Variants in COL4A2 observed in about 807,000 individuals in gnomAD.
COL4A2 encodes collagen type IV alpha 2 chain, also known as collagen alpha-2(IV) chain.
Under a neutral mutation model 200.2 loss-of-function variants are expected in COL4A2, and 99 were observed. The observed-to-expected ratio is 0.49, with a 90% CI of 0.42 to 0.58. The LOEUF is 0.58. Ranked by LOEUF, COL4A2 falls within the 20% of genes least tolerant of loss-of-function variation. COL4A2 has a pLI of 0.00. For missense variants in COL4A2, 1,950 were observed against 2,314.1 expected (o/e 0.84, Z 3.23); for synonymous variants, 897 against 900.6 (o/e 1.00, Z 0.07).
At chr13:110,400,394 A>T (rs1479625199) in intron 4 of COL4A2, among the ~76,000 whole-genome samples, 2 of 152,370 alleles carry the variant, frequency 1.3e-5, no homozygotes, top group Middle Eastern at 3.4e-3. Flanking sequence ...GAAAGAGTTG[A>T]TGGTTAGATT....
intron 4 of COL4A2, among the ~76,000 whole-genome samples, chr13:110,404,242 C>T (rs1879481419): frequency 1.3e-5 from 2 of 152,186 alleles, no homozygotes; most frequent in Admixed American, 6.5e-5. Context: ...TGCTCATTGC[C>T]TTTTTAAGGT....
chr13:110,509,268 T>TATATATATATAC (rs1555334046), intron 47 of COL4A2, among the ~76,000 whole-genome samples: 11 of 120,622 alleles, frequency 9.1e-5, no homozygotes, highest in Non-Finnish European at 1.6e-4. Flanking sequence ...TATATATATA[T>TATATATATATAC]ATACACACAC....
intron 4 of COL4A2, among the ~76,000 whole-genome samples, chr13:110,366,646 G>C (rs188380866): frequency 6.6e-6 from 1 of 152,126 alleles, no homozygotes; most frequent in Non-Finnish European, 1.5e-5. Flanking sequence ...CATGCAGTGG[G>C]TACCCCAGGA....
intron 4 of COL4A2, among the ~76,000 whole-genome samples, chr13:110,385,941 G>GGATAGGCCGTGGTCACAGCGTGTC (rs1566505619): frequency 8.9e-5 from 5 of 56,072 alleles, no homozygotes; most frequent in South Asian, 9.1e-4. Flanking sequence ...TACAGCGTGT[G>GGATAGGCCGTGGTCACAGCGTGTC]GATGGGCCGT....
Position 110,491,613 on chromosome 13 carries a change from G to C in COL4A2, c.3454+273G>C, listed in dbSNP as rs530027157. Among the ~76,000 whole-genome samples, 3 of 152,260 alleles carry C rather than the reference G, an allele frequency of 2.0e-5. No homozygotes were observed. In the East Asian group the frequency reaches 5.8e-4, roughly 29 times the overall value. On this transcript the variant is annotated intron_variant, in intron 37 of 47. Transcript: ENST00000360467. ...CTCTGTCTCTCATATAGAAGCCGAC[G>C]GTTTGTAAGGGATCCCTTTGCTTGC... is the stretch of plus-strand genomic sequence containing the variant.
intron 28 of COL4A2, among the ~76,000 whole-genome samples, chr13:110,471,218 G>A (rs183036248): frequency 2.9e-4 from 44 of 152,348 alleles, no homozygotes; most frequent in African/African-American, 8.9e-4. Flanking sequence ...CCATGTGTGC[G>A]TGAACGCCAC....
In COL4A2 at chr13:110,493,260, C is replaced by G; in HGVS notation, c.3612C>G (p.Thr1204=). 6.2e-7 allele frequency: 1 copy of G among 1,614,142 alleles called. No individual in the cohort carries two copies. The highest frequency in any genetic ancestry group is 8.5e-7 in the Non-Finnish European group (1 of 1,180,032). Residue 1204 remains threonine (T), a synonymous_variant, in exon 39 of 48, where the codon ACC becomes ACG. Coordinates refer to ENST00000360467, the MANE Select transcript of COL4A2 (RefSeq NM_001846.4). The part of the protein sequence containing the change: ...GIRGLHGLPG[T]KGFPGSPGSD... ...GCGGCTTACACGGCTTGCCAGGCAC[C>G]AAGGGCTTTCCAGGATCCCCAGGTA...
intron 47 of COL4A2, among the ~76,000 whole-genome samples, chr13:110,509,260 T>TATATATATAC (rs1883994085): frequency 8.2e-6 from 1 of 122,356 alleles, no homozygotes; most frequent in Non-Finnish European, 1.6e-5. Context: ...TATATATATA[T>TATATATATAC]ATATATATAT....
At chr13:110,422,621 C>A (rs183396617) in intron 4 of COL4A2, among the ~76,000 whole-genome samples, 1 of 152,326 alleles carries the variant, frequency 6.6e-6, no homozygotes, top group African/African-American at 2.4e-5. Context: ...TCGGTCCAGA[C>A]CAGGTTACCC....
At chr13:110,396,569 G>A (rs551345580) in intron 4 of COL4A2, among the ~76,000 whole-genome samples, 2 of 152,288 alleles carry the variant, frequency 1.3e-5, no homozygotes, top group South Asian at 4.1e-4. Context: ...TGGGGCTCTT[G>A]TCTTTTCTGG....
chr13:110,485,765 G>A lies in COL4A2; in HGVS notation c.3136G>A (p.Gly1046Ser), dbSNP rs1407372947. The A allele has an allele frequency of 3.1e-6, 5 of 1,613,934 alleles. No individual in the cohort carries two copies. Among genetic ancestry groups the A allele is most frequent in the Admixed American group, 1.7e-5 (1 of 60,020 alleles). ...AGACATCGGAGTCCCCGGCATCCCC[G>A]GTTTGCCAGGATTCCCTGGGGTGGC... ...KGDIGVPGIP[G>S]LPGFPGVAGP... Residue 1046 changes from glycine to serine, a missense_variant, in exon 34 of 48, where the codon GGT (glycine) becomes AGT (serine). By Grantham distance (56) the Gly-to-Ser change is moderately conservative (BLOSUM62 0). Around this residue, in one of 2 missense-constraint regions of COL4A2, gnomAD observed 1,385 missense variants for 1,720.5 expected, o/e 0.80. Transcript: ENST00000360467.
chr13:110,500,357 A>G (rs1302378460), intron 40 of COL4A2, among the ~76,000 whole-genome samples: 2 of 152,236 alleles, frequency 1.3e-5, no homozygotes, highest in Non-Finnish European at 2.9e-5. Context: ...CTTGGTCCCC[A>G]GCCCGAGGTA....
At chr13:110,311,707 G>A (rs554784034) in intron 3 of COL4A2, among the ~76,000 whole-genome samples, 11 of 152,292 alleles carry the variant, frequency 7.2e-5, no homozygotes, top group South Asian at 4.1e-4. Context: ...CACTGTAGCC[G>A]CTCTGAGCAT....
intron 6 of COL4A2, among the ~76,000 whole-genome samples, chr13:110,426,814 A>T (rs1880486963): frequency 6.6e-6 from 1 of 152,224 alleles, no homozygotes; most frequent in Non-Finnish European, 1.5e-5. Flanking sequence ...AGCATCACAG[A>T]ATACTAAAAA....
At chr13:110,493,080 TGGGTGAAATAACGATGAGTGACAC>T in intron 38 of COL4A2, 107 bp from the exon 39 acceptor site, 1 of 223,484 alleles carries the variant, frequency 4.5e-6, no homozygotes, top group Non-Finnish European at 6.6e-6. Flanking sequence ...GACACCCCCA[TGGGTGAAATAACGATGAGTGACAC>T]CCCCATGGGT....
intron 20 of COL4A2, among the ~76,000 whole-genome samples, chr13:110,453,269 AG>A (rs949692334): frequency 2.6e-5 from 4 of 152,102 alleles, no homozygotes; most frequent in South Asian, 4.2e-4. Context: ...GGGAAAGCCG[AG>A]GGGGGCCGAT....
chr13:110,468,328 C>A, intron 27 of COL4A2: 1 of 463,120 alleles, frequency 2.2e-6, no homozygotes, highest in African/African-American at 2.1e-5. Flanking sequence ...GGTCTAATTC[C>A]ATCCATGGAT....
intron 4 of COL4A2, among the ~76,000 whole-genome samples, chr13:110,423,710 T>C (rs1880348009): frequency 6.6e-6 from 1 of 152,150 alleles, no homozygotes; most frequent in Non-Finnish European, 1.5e-5. Context: ...ATGAAAACAC[T>C]GCCTCCCCCT....
chr13:110,430,011 C>A, intron 8 of COL4A2, 55 bp downstream of exon 8: 1 of 1,486,404 alleles, frequency 6.7e-7, no homozygotes, highest in Non-Finnish European at 9.0e-7. Context: ...AAATTCTCAA[C>A]TAACAAAGTT....
Sources: allele counts gnomAD v4.1 joint callset (sites outside exome capture counted in the v4.1 genomes callset), GRCh38; gene constraint gnomAD v4.1.1; regional missense constraint gnomAD v4.1.1; transcripts MANE v1.5; gene names NCBI Gene and HGNC (gene_info 2026-07-23, HGNC 2026-07-21).